SRGAP2C: variants seen among roughly 807,000 people sequenced by gnomAD.
The protein encoded by SRGAP2C is SLIT-ROBO Rho GTPase-activating protein 2C.
SRGAP2C carries 15 observed loss-of-function variants against 25.1 expected under a neutral mutation model. That is an observed-to-expected ratio of 0.60 (90% CI 0.40 to 0.92). SRGAP2C has a LOEUF of 0.92. Among genes scored for constraint, SRGAP2C ranks in the 40% least tolerant of loss-of-function variants. SRGAP2C has a pLI of 0.00. For synonymous variants in SRGAP2C, 44 were observed against 96.6 expected, an observed-to-expected ratio of 0.46 and a Z score of 3.19; for missense variants, 144 against 264.4, an observed-to-expected ratio of 0.54 and a Z score of 3.16.
chr1:121,213,659 C>T (rs1200564131), intron 2 of SRGAP2C, among the ~76,000 whole-genome samples: 6 of 65,768 alleles, frequency 9.1e-5, no homozygotes, highest in South Asian at 7.7e-4. Context: ...TCTGTGCTCC[C>T]GGGCTGGGGT....
chr1:121,327,502 T>TGCA (rs1658340450), intron 4 of SRGAP2C, among the ~76,000 whole-genome samples: 1 of 133,550 alleles, frequency 7.5e-6, no homozygotes, highest in Non-Finnish European at 1.6e-5. Flanking sequence ...GGTTTGAGGA[T>TGCA]GCAGTGAGCT....
At chr1:121,287,512 AT>A (rs1657396786) in intron 3 of SRGAP2C, among the ~76,000 whole-genome samples, 2 of 148,966 alleles carry the variant, frequency 1.3e-5, no homozygotes, top group African/African-American at 5.0e-5. Context: ...TCAAAGTTGG[AT>A]TTATTCTGTT....
intron 3 of SRGAP2C, among the ~76,000 whole-genome samples, chr1:121,285,404 T>TCACACACACA (rs1343653361): frequency 2.4e-3 from 295 of 124,496 alleles, no homozygotes; most frequent in African/African-American, 5.5e-3. Flanking sequence ...TCTCTCTCTC[T>TCACACACACA]CACACACACA....
chr1:121,332,570 G>A (rs1658455260), intron 4 of SRGAP2C, among the ~76,000 whole-genome samples: 1 of 152,064 alleles, frequency 6.6e-6, no homozygotes, highest in Admixed American at 6.6e-5. Context: ...TGTTAAACAT[G>A]TCCTTTTGCC....
chr1:121,237,344 A>G (rs1553328895), intron 2 of SRGAP2C, among the ~76,000 whole-genome samples: 1 of 151,710 alleles, frequency 6.6e-6, no homozygotes, highest in African/African-American at 2.4e-5. Context: ...AAGCGAATTA[A>G]TCCCGGATCT....
At chr1:121,367,986 G>T (rs1414156327) in intron 5 of SRGAP2C, among the ~76,000 whole-genome samples, 20 of 111,690 alleles carry the variant, frequency 1.8e-4, no homozygotes, top group African/African-American at 6.7e-4. Context: ...TGAGGCAGGA[G>T]AATGGCGTGA....
At chr1:121,345,649 CTTTTTT>C (rs782110661) in intron 4 of SRGAP2C, among the ~76,000 whole-genome samples, 2 of 95,764 alleles carry the variant, frequency 2.1e-5, no homozygotes, top group Non-Finnish European at 3.9e-5. Flanking sequence ...GGTTGCTCTT[CTTTTTT>C]TTTTTTTTTT....
At chr1:121,330,473 T>TA (rs1171621902) in intron 4 of SRGAP2C, among the ~76,000 whole-genome samples, 8 of 85,180 alleles carry the variant, frequency 9.4e-5, no homozygotes, top group African/African-American at 3.7e-4. Flanking sequence ...TGGGGAGTTT[T>TA]AAAAAAATCT....
intron 2 of SRGAP2C, among the ~76,000 whole-genome samples, chr1:121,270,969 AT>A (rs1246844271): frequency 4.1e-5 from 6 of 147,348 alleles, no homozygotes; most frequent in African/African-American, 7.5e-5. Context: ...CTTTTTTTGT[AT>A]TTTTTTTTAG....
intron 4 of SRGAP2C, among the ~76,000 whole-genome samples, chr1:121,353,508 T>C: frequency 9.9e-6 from 1 of 100,868 alleles, no homozygotes; most frequent in African/African-American, 3.5e-5. Flanking sequence ...TAAATATGTA[T>C]AAAATTAATA....
chr1:121,231,414 TATTA>T (rs1192740075), intron 2 of SRGAP2C, among the ~76,000 whole-genome samples: 1 of 148,206 alleles, frequency 6.7e-6, no homozygotes, highest in Non-Finnish European at 1.5e-5. Flanking sequence ...TAAATCAGCC[TATTA>T]TTTAATCAGT....
chr1:121,195,486 G>A (rs1654809828), intron 2 of SRGAP2C, among the ~76,000 whole-genome samples: 2 of 151,016 alleles, frequency 1.3e-5, no homozygotes, highest in South Asian at 2.1e-4. Context: ...TTTAGAAGGG[G>A]TCACAAATAA....
chr1:121,280,264 AT>A lies in SRGAP2C; in HGVS notation c.68-4534del, dbSNP rs1393170436. On this transcript the variant is annotated intron_variant, in intron 2 of 9. Transcript: ENST00000367123. The stretch of plus-strand genomic sequence containing the variant: ...AAGCTGCAATTTTTATTCAAGTGTC[AT>A]TTTTAAAAAAACATAATAAGAAAAA... 3.4e-3 allele frequency among the ~76,000 whole-genome samples: 515 copies of A among 150,246 alleles called. 4 individuals carry two copies. The highest frequency in any genetic ancestry group is 0.012 in the African/African-American group (490 of 41,010).
At chr1:121,273,644 G>A (rs1657032100) in intron 2 of SRGAP2C, among the ~76,000 whole-genome samples, 1 of 151,622 alleles carries the variant, frequency 6.6e-6, no homozygotes, top group Non-Finnish European at 1.5e-5. Flanking sequence ...TGATTGCTTG[G>A]TCTTGTGGGA....
chr1:121,362,136 C>T (rs1210861214), intron 4 of SRGAP2C: 1 of 60,720 alleles, frequency 1.6e-5, no homozygotes, highest in Non-Finnish European at 3.3e-5. Flanking sequence ...CTGCAGTGGC[C>T]AGCACGGAAG....
chr1:121,271,422 C>G (rs1179645548), intron 2 of SRGAP2C, among the ~76,000 whole-genome samples: 1 of 151,044 alleles, frequency 6.6e-6, no homozygotes, highest in African/African-American at 2.4e-5. Flanking sequence ...CTAGTGCTCA[C>G]GTGAACTGTG....
intron 2 of SRGAP2C, among the ~76,000 whole-genome samples, chr1:121,239,243 ATAC>A (rs1359054861): frequency 8.6e-4 from 4 of 4,654 alleles, no homozygotes; most frequent in Non-Finnish European, 8.6e-4. Flanking sequence ...ATATATATAT[ATAC>A]TATATATATA....
intron 3 of SRGAP2C, among the ~76,000 whole-genome samples, chr1:121,322,241 G>C (rs1412427552): frequency 2.1e-5 from 3 of 143,818 alleles, no homozygotes; most frequent in Non-Finnish European, 3.0e-5. Context: ...TGAGGACATG[G>C]GTATCTTGCC....
chr1:121,306,879 CAT>C (rs1657853284), intron 3 of SRGAP2C, among the ~76,000 whole-genome samples: 3 of 152,078 alleles, frequency 2.0e-5, no homozygotes, highest in African/African-American at 7.2e-5. Context: ...CTTATATACA[CAT>C]AAATAGCTGA....
Sources: gnomAD v4.1 joint callset for allele counts (sites outside exome capture counted in the v4.1 genomes callset) on GRCh38, gnomAD v4.1.1 for gene constraint, MANE v1.5 for transcripts, NCBI Gene and HGNC (gene_info 2026-07-23, HGNC 2026-07-21) for gene names.